Variants in SYNDIG1 observed in about 807,000 individuals in gnomAD.
The protein encoded by SYNDIG1 is synapse differentiation inducing 1.
SYNDIG1 carries 9 observed loss-of-function variants against 19.4 expected under a neutral mutation model. The observed-to-expected ratio is 0.46, with a 90% CI of 0.28 to 0.81. The LOEUF is 0.81. SYNDIG1 is among the 30% of genes least tolerant of loss of function. SYNDIG1 has a pLI of 0.12. For synonymous variants in SYNDIG1, 141 were observed against 145.9 expected (o/e 0.97, Z 0.24); for missense variants, 311 against 343.3 (o/e 0.91, Z 0.74).
In SYNDIG1 at chr20:24,608,826, T is replaced by C. The variant is rs183205429; in HGVS notation, c.618+23833T>C. Reference sequence around the variant, plus strand: ...AATGATATTGATAATATAAGCTCAGTTCTCTTGACCAACCCTTGCATTCTA... The same window carrying C: ...AATGATATTGATAATATAAGCTCAGCTCTCTTGACCAACCCTTGCATTCTA... On this transcript the variant is annotated intron_variant, in intron 3 of 3. Transcript: ENST00000376862. 5.8e-4 allele frequency among the ~76,000 whole-genome samples: 88 copies of C among 152,282 alleles called. 1 individual carries two copies. The South Asian group carries it at 7.5e-3, about 13-fold the overall frequency.
At chr20:24,516,925 G>C (rs980959230) in intron 1 of SYNDIG1, among the ~76,000 whole-genome samples, 2 of 152,158 alleles carry the variant, frequency 1.3e-5, no homozygotes, top group African/African-American at 4.8e-5. Context: ...TGATAGACTG[G>C]ATTAAGAAAA....
At chr20:24,482,083 AC>A (rs537984301) in intron 1 of SYNDIG1, among the ~76,000 whole-genome samples, 5 of 152,372 alleles carry the variant, frequency 3.3e-5, no homozygotes, top group African/African-American at 1.2e-4. Flanking sequence ...GAAAACACAA[AC>A]AACCTAATTA....
chr20:24,472,319 T>C (rs1251217768), intron 1 of SYNDIG1, among the ~76,000 whole-genome samples: 2 of 152,220 alleles, frequency 1.3e-5, no homozygotes, highest in Non-Finnish European at 1.5e-5. Flanking sequence ...ACGATTCTGG[T>C]TGAGCCATGA....
chr20:24,647,932 C>G (rs6132755), intron 3 of SYNDIG1, among the ~76,000 whole-genome samples: 19,440 of 151,708 alleles, frequency 0.13, 2,370 homozygotes, highest in African/African-American at 0.31. Context: ...GGTACTAGCA[C>G]GGTCAGGTTC....
intron 1 of SYNDIG1, among the ~76,000 whole-genome samples, chr20:24,486,255 G>A (rs1011084241): frequency 1.3e-5 from 2 of 152,240 alleles, no homozygotes; most frequent in Non-Finnish European, 1.5e-5. Flanking sequence ...AGAGAGGGCA[G>A]GGTGGGTGCT....
At chr20:24,470,505 A>G (rs2055399701) in intron 1 of SYNDIG1, among the ~76,000 whole-genome samples, 1 of 151,870 alleles carries the variant, frequency 6.6e-6, no homozygotes, top group African/African-American at 2.4e-5. Context: ...GAGCGAGCAC[A>G]TACGCTTTTT....
chr20:24,519,490 A>G (rs543124202), intron 1 of SYNDIG1, among the ~76,000 whole-genome samples: 1 of 152,282 alleles, frequency 6.6e-6, no homozygotes, highest in Non-Finnish European at 1.5e-5. Context: ...TTTTAAATAG[A>G]TCATTTATGA....
chr20:24,644,065 G>T (rs114704729), intron 3 of SYNDIG1, among the ~76,000 whole-genome samples: 2 of 152,202 alleles, frequency 1.3e-5, no homozygotes, highest in Admixed American at 1.3e-4. Flanking sequence ...CTAGCTACAC[G>T]CAAACACCCA....
chr20:24,625,427 G>A (rs1350117207), intron 3 of SYNDIG1, among the ~76,000 whole-genome samples: 38 of 122,858 alleles, frequency 3.1e-4, no homozygotes, highest in Admixed American at 4.9e-4. Flanking sequence ...GGTGTTTCTC[G>A]CAGAGGGGGA....
At chr20:24,560,941 T>C (rs891107178) in intron 2 of SYNDIG1, among the ~76,000 whole-genome samples, 26 of 151,978 alleles carry the variant, frequency 1.7e-4, no homozygotes, top group Admixed American at 6.6e-4. Context: ...CTGGACTAAA[T>C]GTGCAGAATC....
intron 1 of SYNDIG1, among the ~76,000 whole-genome samples, chr20:24,528,094 A>G (rs2057166081): frequency 6.6e-6 from 1 of 152,218 alleles, no homozygotes; most frequent in East Asian, 1.9e-4. Flanking sequence ...CGCAATCAGT[A>G]ATGTCTCAAA....
rs2059546435 is a variant in SYNDIG1, at chr20:24,658,025, C to T, written c.619-7321C>T. ...GCGAGGGCATAACTGCTGAGGACCC[C>T]CAGCTGTGCTGGCCCCGGTCCATGG... On this transcript the variant is annotated intron_variant, in intron 3 of 3. Coordinates refer to ENST00000376862, the MANE Select transcript of SYNDIG1 (RefSeq NM_024893.3). The surrounding 1 kb of genome is among the most constrained non-coding windows in gnomAD (Gnocchi z 4.4). 6.6e-6 allele frequency among the ~76,000 whole-genome samples: 1 copy of T among 152,124 alleles called. No homozygotes were observed. Among genetic ancestry groups the T allele is most frequent in the South Asian group, 2.1e-4 (1 of 4,828 alleles).
At chr20:24,531,631 G>GA (rs11472864) in intron 1 of SYNDIG1, among the ~76,000 whole-genome samples, 6,861 of 150,088 alleles carry the variant, frequency 0.046, 177 homozygotes, top group Non-Finnish European at 0.058. Flanking sequence ...AGACAATTTT[G>GA]AAAAAAAAAA....
intron 2 of SYNDIG1, among the ~76,000 whole-genome samples, chr20:24,556,610 C>A (rs889552419): frequency 1.3e-5 from 2 of 152,154 alleles, no homozygotes; most frequent in Non-Finnish European, 2.9e-5. Context: ...AAATTCTTTT[C>A]TTTAAGAATG....
At chr20:24,537,464 C>T (rs1417793897) in intron 1 of SYNDIG1, among the ~76,000 whole-genome samples, 1 of 152,198 alleles carries the variant, frequency 6.6e-6, no homozygotes, top group East Asian at 1.9e-4. Flanking sequence ...CTTGTTTTCT[C>T]TGTATGGTAT....
intron 3 of SYNDIG1, among the ~76,000 whole-genome samples, chr20:24,663,235 G>T (rs2059619024): frequency 6.6e-6 from 1 of 152,180 alleles, no homozygotes; most frequent in South Asian, 2.1e-4. Context: ...TGCTGTTTCT[G>T]ACATATCTCC....
chr20:24,564,428 A>G (rs1293006266), intron 2 of SYNDIG1, among the ~76,000 whole-genome samples: 1 of 152,214 alleles, frequency 6.6e-6, no homozygotes, highest in Admixed American at 6.5e-5. Context: ...AAGAACCCAC[A>G]TCTGAAACAT....
intron 2 of SYNDIG1, among the ~76,000 whole-genome samples, chr20:24,547,808 T>C (rs1339267106): frequency 6.6e-6 from 1 of 152,212 alleles, no homozygotes; most frequent in African/African-American, 2.4e-5. Context: ...GAAGTAGGTC[T>C]ACAAAATATA....
intron 3 of SYNDIG1, among the ~76,000 whole-genome samples, chr20:24,634,708 C>T (rs973065122): frequency 9.2e-5 from 14 of 152,282 alleles, no homozygotes; most frequent in African/African-American, 3.1e-4. Flanking sequence ...TGGGTGTTCA[C>T]ATTTTATTAA....
Sources: gnomAD v4.1 joint callset for allele counts (sites outside exome capture counted in the v4.1 genomes callset) on GRCh38, gnomAD v4.1.1 for gene constraint, Gnocchi (gnomAD v3.1) non-coding constraint, MANE v1.5 for transcripts, NCBI Gene and HGNC (gene_info 2026-07-23, HGNC 2026-07-21) for gene names.